ADAM10: variants seen among roughly 807,000 people sequenced by gnomAD.
ADAM10 encodes the protein disintegrin and metalloproteinase domain-containing protein 10.
Under a neutral mutation model 90.1 loss-of-function variants are expected in ADAM10, and 17 were observed. The ratio of observed to expected loss-of-function variants is 0.19; its 90% CI spans 0.13 to 0.28. The LOEUF (loss-of-function observed/expected upper bound fraction) is 0.28, where lower values mean the gene tolerates loss of function less well. Among genes scored for constraint, ADAM10 ranks in the 10% least tolerant of loss-of-function variants. The pLI, the probability that ADAM10 is intolerant of heterozygous loss-of-function variation, is 1.00. For missense variants in ADAM10, 610 were observed against 914.3 expected, an observed-to-expected ratio of 0.67 and a Z score of 4.29; for synonymous variants, 310 against 298.6, an observed-to-expected ratio of 1.04 and a Z score of -0.40.
At chr15:58,613,247 A>G (rs1895503079) in intron 11 of ADAM10, among the ~76,000 whole-genome samples, 1 of 152,216 alleles carries the variant, frequency 6.6e-6, no homozygotes, top group African/African-American at 2.4e-5. Flanking sequence ...CTACCTGGAA[A>G]AAGAAGCACC....
intron 2 of ADAM10, chr15:58,692,039 G>A (rs545218453): frequency 9.0e-5 from 42 of 466,460 alleles, no homozygotes; most frequent in African/African-American, 5.8e-4. Flanking sequence ...AGCATTTCCC[G>A]GGAGATGTTT....
chr15:58,642,731 G>A (rs561037914), intron 7 of ADAM10, among the ~76,000 whole-genome samples: 12 of 152,040 alleles, frequency 7.9e-5, no homozygotes, highest in Non-Finnish European at 1.8e-4. Context: ...TTCATTACTT[G>A]CATTTTATTG....
chr15:58,734,062 A>G (rs1203613740), intron 1 of ADAM10, among the ~76,000 whole-genome samples: 1 of 152,126 alleles, frequency 6.6e-6, no homozygotes, highest in Non-Finnish European at 1.5e-5. Context: ...AAGGGGAAAA[A>G]TTAAAAATCC....
chr15:58,725,263 G>C (rs866272943), intron 1 of ADAM10, among the ~76,000 whole-genome samples: 1 of 151,664 alleles, frequency 6.6e-6, no homozygotes, highest in African/African-American at 2.4e-5. Flanking sequence ...AGGCATGGTA[G>C]TGCATGCCTG....
At chr15:58,737,663 C>T (rs1295456902) in intron 1 of ADAM10, among the ~76,000 whole-genome samples, 1 of 152,096 alleles carries the variant, frequency 6.6e-6, no homozygotes, top group East Asian at 1.9e-4. Flanking sequence ...ATTAAGTACC[C>T]CAACAAATGC....
intron 2 of ADAM10, among the ~76,000 whole-genome samples, chr15:58,705,327 A>C (rs1393722103): frequency 6.6e-6 from 1 of 152,168 alleles, no homozygotes; most frequent in Non-Finnish European, 1.5e-5. Flanking sequence ...GATTTTATGA[A>C]TCAGTAAGTA....
intron 11 of ADAM10, among the ~76,000 whole-genome samples, chr15:58,613,467 G>A (rs1895510778): frequency 6.6e-6 from 1 of 151,648 alleles, no homozygotes; most frequent in African/African-American, 2.4e-5. Flanking sequence ...CCAAAGAAAA[G>A]GAAATCAATA....
intron 8 of ADAM10, among the ~76,000 whole-genome samples, chr15:58,636,862 A>C (rs1192882463): frequency 6.6e-6 from 1 of 152,248 alleles, no homozygotes; most frequent in East Asian, 1.9e-4. Context: ...GTAAGCAATA[A>C]TTCTGGACCA....
At chr15:58,741,767 G>C (rs1273635189) in intron 1 of ADAM10, among the ~76,000 whole-genome samples, 1 of 151,928 alleles carries the variant, frequency 6.6e-6, no homozygotes, top group African/African-American at 2.4e-5. Context: ...TCTAATCCAA[G>C]ACTCAATCAC....
chr15:58,715,795 T>C (rs1898640687), intron 2 of ADAM10, among the ~76,000 whole-genome samples: 1 of 152,200 alleles, frequency 6.6e-6, no homozygotes, highest in South Asian at 2.1e-4. Flanking sequence ...AGTTTTGCCA[T>C]TTATTCAATA....
intron 1 of ADAM10, among the ~76,000 whole-genome samples, chr15:58,724,171 C>T (rs1434292007): frequency 1.3e-5 from 2 of 149,106 alleles, no homozygotes; most frequent in South Asian, 2.1e-4. Context: ...AGCAAGACTC[C>T]GTCTCAAAAA....
intron 7 of ADAM10, among the ~76,000 whole-genome samples, chr15:58,642,645 T>C (rs1481456488): frequency 1.3e-5 from 2 of 152,216 alleles, no homozygotes; most frequent in African/African-American, 4.8e-5. Flanking sequence ...TTTACTTATA[T>C]ACATGCATTT....
rs1491530763 is a variant in ADAM10, at chr15:58,592,751, TAA to T, written c.*4794_*4795del. 1.5e-5 allele frequency: 2 copies of T among 131,862 alleles called. No individual in the cohort carries two copies. The highest frequency in any genetic ancestry group is 2.4e-4 in the East Asian group (1 of 4,238). 8.2% of individuals were successfully genotyped at this position (131,862 alleles called of 1,614,324 possible). A position where few individuals can be genotyped will look rare whatever the true frequency, so the allele number is the denominator to read the frequency against. The stretch of plus-strand genomic sequence containing the variant: ...GATTTCTAAGGATGGGACTCTGATT[TAA>T]TATATATATATATATATATTAAATC... On this transcript the variant is annotated 3_prime_UTR_variant, in exon 16 of 16. Coordinates refer to ENST00000260408, the MANE Select transcript of ADAM10 (RefSeq NM_001110.4).
intron 2 of ADAM10, 79 bp from the exon 3 acceptor site, chr15:58,682,393 A>C: frequency 6.5e-7 from 1 of 1,538,598 alleles, no homozygotes; most frequent in Non-Finnish European, 8.7e-7. Flanking sequence ...TATTTTAAAA[A>C]GTCTACAAAA....
rs569464708 is a variant in ADAM10 at position 58,638,444 on chromosome 15, T to C, written c.1012+2333A>G. 1.7e-3 allele frequency among the ~76,000 whole-genome samples: 251 copies of C among 151,158 alleles called. 2 individuals are homozygous for C. The highest frequency in any genetic ancestry group is 3.1e-4 in the Non-Finnish European group (21 of 67,760). On this transcript the variant is annotated intron_variant, in intron 8 of 15. Transcript: ENST00000260408. ...TCCTGGCTAACACGGTGAAACCCCA[T>C]CTCCACTAAAAATATAAAAAATTAG...
At chr15:58,727,159 T>C (rs1163613582) in intron 1 of ADAM10, among the ~76,000 whole-genome samples, 3 of 145,718 alleles carry the variant, frequency 2.1e-5, no homozygotes, top group Admixed American at 6.9e-5. Flanking sequence ...TGCACCACCA[T>C]GCCATGCCTG....
At chr15:58,681,053 C>T (rs1249184220) in intron 3 of ADAM10, among the ~76,000 whole-genome samples, 1 of 152,154 alleles carries the variant, frequency 6.6e-6, no homozygotes, top group Non-Finnish European at 1.5e-5. Context: ...TCAAGCAATC[C>T]TCCTGCCTCA....
chr15:58,682,072 A>G (rs1461377768), intron 3 of ADAM10, 124 bp downstream of exon 3: 49 of 1,331,992 alleles, frequency 3.7e-5, no homozygotes, highest in Middle Eastern at 5.3e-4. Context: ...ATTACCCTTC[A>G]TATGAATTCA....
intron 5 of ADAM10, among the ~76,000 whole-genome samples, chr15:58,648,543 G>A (rs766408689): frequency 7.2e-5 from 11 of 151,990 alleles, no homozygotes; most frequent in Non-Finnish European, 1.5e-4. Context: ...TTTAAAGAAA[G>A]GTTTTAAATA....
Sources: allele counts gnomAD v4.1 joint callset (sites outside exome capture counted in the v4.1 genomes callset), GRCh38; gene constraint gnomAD v4.1.1; transcripts MANE v1.5; gene names NCBI Gene and HGNC (gene_info 2026-07-23, HGNC 2026-07-21).